The following PALS2 variants were observed in gnomAD, a reference collection of about 807,000 sequenced individuals.
PALS2 encodes protein PALS2.
Under a neutral mutation model 61.6 loss-of-function variants are expected in PALS2, and 27 were observed. That is an observed-to-expected ratio of 0.44 (90% CI 0.32 to 0.60). The LOEUF is 0.60. Ranked by LOEUF, PALS2 falls within the 20% of genes least tolerant of loss-of-function variation. The probability of loss-of-function intolerance (pLI) is 0.05; values close to 1 mark genes in which losing one functional copy is unlikely to be tolerated. For synonymous variants in PALS2, 236 were observed against 218.6 expected, an observed-to-expected ratio of 1.08 and a Z score of -0.70; for missense variants, 554 against 639.4, an observed-to-expected ratio of 0.87 and a Z score of 1.44.
chr7:24,642,888 G>A (rs537260694), intron 3 of PALS2, among the ~76,000 whole-genome samples: 1 of 152,232 alleles, frequency 6.6e-6, no homozygotes, highest in East Asian at 1.9e-4. Flanking sequence ...GAAACTTTAG[G>A]TGTGGAGGGG....
intron 2 of PALS2, among the ~76,000 whole-genome samples, chr7:24,637,296 CT>C (rs35499781): frequency 0.29 from 32,054 of 109,212 alleles, 4,067 homozygotes; most frequent in East Asian, 0.67. Context: ...ACTTACTCAT[CT>C]TTTTTTTTTT....
rs1045686174 is a variant in PALS2 at position 24,688,417 on chromosome 7, A to G, written c.*803A>G. 9.9e-5 allele frequency: 15 copies of G among 152,218 alleles called. No homozygotes were observed. The highest frequency in any genetic ancestry group is 3.4e-4 in the African/African-American group (14 of 41,456). The allele number at this position is 152,218 out of a possible 1,614,324, so 9.4% of individuals were successfully genotyped here. On this transcript the variant is annotated 3_prime_UTR_variant, in exon 12 of 12. Transcript: ENST00000222644. ...AGAGTGCCTTATCCTGTAAAACCTT[A>G]CAGCAAAATGACACTTGAAGAAAGT...
In PALS2 at chr7:24,660,193, ATTTATC is replaced by A. The variant is rs1786644199; in HGVS notation, c.652-3391_652-3386del. Among the ~76,000 whole-genome samples the A allele has an allele frequency of 2.0e-5, 3 of 152,040 alleles. No individual in the cohort carries two copies. The South Asian group carries it at 6.2e-4, about 32-fold the overall frequency. On this transcript the variant is annotated intron_variant, in intron 5 of 11. Coordinates refer to ENST00000222644, the MANE Select transcript of PALS2 (RefSeq NM_001303037.2). Reference sequence around the variant, plus strand: ...CTTCATCTGAATCCAAATGGGAGTGATTTATCTTTATTACCTTAAAATTTTAATTTT... The same window carrying A: ...CTTCATCTGAATCCAAATGGGAGTGATTTATTACCTTAAAATTTTAATTTT...
chr7:24,619,228 T>G (rs1044789998), intron 1 of PALS2, among the ~76,000 whole-genome samples: 3 of 152,140 alleles, frequency 2.0e-5, no homozygotes, highest in Non-Finnish European at 4.4e-5. Context: ...TTAATCTTTG[T>G]TTTTGTTTTT....
chr7:24,657,224 A>T (rs894120505), intron 5 of PALS2, among the ~76,000 whole-genome samples: 8 of 152,222 alleles, frequency 5.3e-5, no homozygotes, highest in African/African-American at 1.4e-4. Context: ...TCTTGAGTAT[A>T]TACCAGGGGT....
In PALS2 at chr7:24,630,480, A is replaced by T. The variant is rs1784952704; in HGVS notation, c.117+6696A>T. The stretch of plus-strand genomic sequence containing the variant: ...TACATTATCCCAGAACTTAAAGTAT[A>T]ATAATAATTTTTAAAAAAAAGAAGA... On this transcript the variant is annotated intron_variant, in intron 2 of 11. Coordinates refer to ENST00000222644, the MANE Select transcript of PALS2 (RefSeq NM_001303037.2). 2.6e-5 allele frequency among the ~76,000 whole-genome samples: 4 copies of T among 152,084 alleles called. 1 individual carries two copies. The South Asian group carries it at 8.3e-4, about 32-fold the overall frequency.
chr7:24,653,843 A>G (rs1180788957), intron 5 of PALS2, among the ~76,000 whole-genome samples: 4 of 152,196 alleles, frequency 2.6e-5, no homozygotes, highest in African/African-American at 9.6e-5. Flanking sequence ...AGACATGCTG[A>G]GACAAAGCAG....
intron 5 of PALS2, among the ~76,000 whole-genome samples, chr7:24,658,064 AGG>A (rs1417474656): frequency 9.9e-5 from 15 of 152,134 alleles, no homozygotes; most frequent in Middle Eastern, 3.2e-3. Context: ...CATGTATATT[AGG>A]CCCATTGAAG....
At chr7:24,654,747 C>T (rs1786329446) in intron 5 of PALS2, among the ~76,000 whole-genome samples, 1 of 152,080 alleles carries the variant, frequency 6.6e-6, no homozygotes. Flanking sequence ...ATAGCCAAGA[C>T]ACTTTTGAAT....
chr7:24,689,488 G>A lies in PALS2; in HGVS notation c.*1874G>A, dbSNP rs1399903405. The A allele has an allele frequency of 1.3e-5, 2 of 151,932 alleles. No individual in the cohort carries two copies. The highest frequency in any genetic ancestry group is 1.3e-4 in the Admixed American group (2 of 15,260). 9.4% of individuals were successfully genotyped at this position (151,932 alleles called of 1,614,324 possible). On this transcript the variant is annotated 3_prime_UTR_variant, in exon 12 of 12. Coordinates refer to ENST00000222644, the MANE Select transcript of PALS2 (RefSeq NM_001303037.2). The stretch of plus-strand genomic sequence containing the variant: ...AGGAAAAGAAAATATATGACAATAG[G>A]CAGTATTGACACATTGTTTAAAATC...
chr7:24,640,583 T>C (rs1445917980), intron 2 of PALS2, among the ~76,000 whole-genome samples: 1 of 152,242 alleles, frequency 6.6e-6, no homozygotes, highest in African/African-American at 2.4e-5. Flanking sequence ...TAATTACGCT[T>C]TTCCTGTCTT....
intron 2 of PALS2, among the ~76,000 whole-genome samples, chr7:24,638,983 T>C (rs1785379820): frequency 6.6e-6 from 1 of 152,230 alleles, no homozygotes; most frequent in South Asian, 2.1e-4. Flanking sequence ...ATGGTCTTCA[T>C]AGCTCTTACT....
chr7:24,663,514 T>C (rs1333830359), intron 5 of PALS2, 76 bp from the exon 6 acceptor site: 2 of 1,337,550 alleles, frequency 1.5e-6, no homozygotes, highest in Non-Finnish European at 2.0e-6. Context: ...TAAATCAGAG[T>C]GGTTTGACAA....
chr7:24,583,439 A>G lies in PALS2; in HGVS notation c.-3+9846A>G, dbSNP rs187650156. Among the ~76,000 whole-genome samples the G allele has an allele frequency of 4.7e-3, 723 of 152,220 alleles. 27 individuals are homozygous for G. Among genetic ancestry groups the G allele is most frequent in the Non-Finnish European group, 8.8e-4 (60 of 68,012 alleles). On this transcript the variant is annotated intron_variant, in intron 1 of 11. Transcript: ENST00000222644. ...TTTATAAAGTTTTACTATTCACCCA[A>G]TTAAAATGTTAGATTATCATTTTAT...
chr7:24,668,518 C>A lies in PALS2; in HGVS notation c.972C>A (p.Ile324=), dbSNP rs772373944. The A allele has an allele frequency of 3.1e-6, 5 of 1,612,222 alleles. No individual in the cohort carries two copies. Among genetic ancestry groups the A allele is most frequent in the Non-Finnish European group, 4.2e-6 (5 of 1,179,276 alleles). The change falls in exon 9 of 12, where the codon ATC becomes ATA. Residue 324 remains isoleucine (I), a synonymous_variant. Coordinates refer to ENST00000222644, the MANE Select transcript of PALS2 (RefSeq NM_001303037.2). ...ATTTAGAATTTGATCGTCATGAAATCCAGATATATGAGGAGGTAGCCAAAA... is the reference window on the plus strand; with the variant it reads ...ATTTAGAATTTGATCGTCATGAAATACAGATATATGAGGAGGTAGCCAAAA... ...TRNAEFDRHE[I]QIYEEVAKMP... is the part of the protein sequence containing the mutation.
intron 3 of PALS2, among the ~76,000 whole-genome samples, chr7:24,648,098 C>A (rs150076160): frequency 0.015 from 2,246 of 152,148 alleles, 66 homozygotes; most frequent in African/African-American, 0.052. Context: ...ATTTTTTTCT[C>A]CAGTGTTTCA....
chr7:24,647,833 C>G (rs1185498182), intron 3 of PALS2, among the ~76,000 whole-genome samples: 1 of 152,140 alleles, frequency 6.6e-6, no homozygotes, highest in Non-Finnish European at 1.5e-5. Flanking sequence ...ACAATCCCTA[C>G]TTTTGATTTT....
At position 24,691,919 on chromosome 7, in the gene PALS2, C is replaced by A. The variant is rs969346452; in HGVS notation, c.*4305C>A. On this transcript the variant is annotated 3_prime_UTR_variant, in exon 12 of 12. Coordinates refer to ENST00000222644, the MANE Select transcript of PALS2 (RefSeq NM_001303037.2). ...TGTATATAGTACAAATGAATACTCA[C>A]AAAATTTAAGAATACATTTGACTAA... 1 of 151,984 alleles carries A rather than the reference C, an allele frequency of 6.6e-6. No homozygotes were observed. Among genetic ancestry groups the A allele is most frequent in the Non-Finnish European group, 1.5e-5 (1 of 67,944 alleles). The allele number at this position is 151,984 out of a possible 1,614,324, so 9.4% of individuals were successfully genotyped here. A position where few individuals can be genotyped will look rare whatever the true frequency, so the allele number is the denominator to read the frequency against.
intron 2 of PALS2, among the ~76,000 whole-genome samples, chr7:24,629,397 C>A (rs1784890907): frequency 6.6e-6 from 1 of 152,042 alleles, no homozygotes; most frequent in Non-Finnish European, 1.5e-5. Context: ...AGAAGAAAAC[C>A]TAGGCAGTAC....
Sources: allele counts gnomAD v4.1 joint callset (sites outside exome capture counted in the v4.1 genomes callset), GRCh38; gene constraint gnomAD v4.1.1; transcripts MANE v1.5; gene names NCBI Gene and HGNC (gene_info 2026-07-23, HGNC 2026-07-21).